MYO5A: variants seen among roughly 807,000 people sequenced by gnomAD.
MYO5A encodes unconventional myosin-Va.
MYO5A carries 98 observed loss-of-function variants against 249.7 expected under a neutral mutation model. The ratio of observed to expected loss-of-function variants is 0.39; its 90% CI spans 0.33 to 0.46. The LOEUF (loss-of-function observed/expected upper bound fraction) is 0.46. MYO5A is among the 20% of genes least tolerant of loss of function. The probability of loss-of-function intolerance (pLI) is 0.98; values close to 1 mark genes in which losing one functional copy is unlikely to be tolerated. For synonymous variants in MYO5A, 778 were observed against 810.6 expected, an observed-to-expected ratio of 0.96 and a Z score of 0.68; for missense variants, 1,696 against 2,308.8, an observed-to-expected ratio of 0.73 and a Z score of 5.44.
chr15:52,383,827 C>T (rs916844145), intron 15 of MYO5A, among the ~76,000 whole-genome samples: 1 of 152,154 alleles, frequency 6.6e-6, no homozygotes, highest in African/African-American at 2.4e-5. Context: ...CAAAGAAAGG[C>T]GAGGGCCCTG....
chr15:52,428,793 T>C (rs905632237), intron 2 of MYO5A, among the ~76,000 whole-genome samples: 2 of 152,210 alleles, frequency 1.3e-5, no homozygotes, highest in Non-Finnish European at 2.9e-5. Context: ...CTAATATACT[T>C]TGAAAGCCAT....
chr15:52,397,892 A>G (rs2042558502), intron 9 of MYO5A, among the ~76,000 whole-genome samples: 1 of 152,218 alleles, frequency 6.6e-6, no homozygotes, highest in Non-Finnish European at 1.5e-5. Context: ...TGCTCCCTAA[A>G]ATGAAAAATA....
At chr15:52,436,954 C>T (rs1595681431) in intron 1 of MYO5A, among the ~76,000 whole-genome samples, 1 of 152,138 alleles carries the variant, frequency 6.6e-6, no homozygotes, top group South Asian at 2.1e-4. Flanking sequence ...AGGATGACAA[C>T]AATAGTCTTC....
intron 1 of MYO5A, among the ~76,000 whole-genome samples, chr15:52,449,675 T>C (rs2075973267): frequency 6.6e-6 from 1 of 152,154 alleles, no homozygotes; most frequent in South Asian, 2.1e-4. Context: ...ACCTCTAAGC[T>C]AAGTCTCTTC....
chr15:52,347,251 T>C (rs2039683743), intron 29 of MYO5A, among the ~76,000 whole-genome samples: 1 of 152,206 alleles, frequency 6.6e-6, no homozygotes, highest in Non-Finnish European at 1.5e-5. Context: ...TAAGAATCAC[T>C]GCTGGCAAAC....
At chr15:52,428,802 A>G (rs1285419868) in intron 2 of MYO5A, among the ~76,000 whole-genome samples, 1 of 152,228 alleles carries the variant, frequency 6.6e-6, no homozygotes, top group Non-Finnish European at 1.5e-5. Context: ...TTTGAAAGCC[A>G]TAGCCTAGAC....
intron 5 of MYO5A, among the ~76,000 whole-genome samples, chr15:52,414,171 G>A (rs184671367): frequency 1.7e-3 from 260 of 152,222 alleles, no homozygotes; most frequent in Middle Eastern, 3.4e-3. Flanking sequence ...TTGTTATGAA[G>A]TCGGGAGGCC....
Position 52,372,126 on chromosome 15 carries a change from G to A in MYO5A, c.2815C>T (p.Gln939Ter), listed in dbSNP as rs1479551228. ...CAGGGCCCCTTTGTGAAACACACCT[G>A]CTCATCAACTTTGCGCTGCAGCTGC... ...IMQLQRKVDE[Q>*]NKDYKCLVEK... The change falls in exon 21 of 42, where the codon CAG (glutamine) becomes TAG (stop). Residue 939 changes from glutamine to a stop codon, truncating the protein, a stop_gained and splice_region_variant. Transcript: ENST00000399233. LOFTEE classifies it high-confidence loss of function. 1 of 1,613,560 alleles carries A rather than the reference G, an allele frequency of 6.2e-7. No individual in the cohort carries two copies. Among genetic ancestry groups the A allele is most frequent in the Middle Eastern group, 1.8e-4 (1 of 5,598 alleles).
intron 16 of MYO5A, 88 bp downstream of exon 16, chr15:52,383,003 A>T: frequency 8.5e-7 from 1 of 1,172,446 alleles, no homozygotes; most frequent in Non-Finnish European, 1.3e-6. Context: ...TCCTTATAAA[A>T]ATGTAAGGAA....
chr15:52,457,137 T>C lies in MYO5A; in HGVS notation c.28-23852A>G, dbSNP rs532636943. 3.3e-5 allele frequency among the ~76,000 whole-genome samples: 5 copies of C among 152,018 alleles called. No homozygotes were observed. The East Asian group carries it at 5.8e-4, about 18-fold the overall frequency. On this transcript the variant is annotated intron_variant, in intron 1 of 41. Coordinates refer to ENST00000399233, the MANE Select transcript of MYO5A (RefSeq NM_001382347.1). ...ACAAAACAAAACAAAAAACAAATAA[T>C]CTCATTAAAAAGTAGGCAAAGGGGC...
chr15:52,461,787 C>T (rs935454860), intron 1 of MYO5A, among the ~76,000 whole-genome samples: 1 of 151,614 alleles, frequency 6.6e-6, no homozygotes. Context: ...ATAGTGAAAC[C>T]CCGTCTCTAC....
chr15:52,345,699 G>C (rs28653534), intron 30 of MYO5A, among the ~76,000 whole-genome samples: 14,826 of 152,190 alleles, frequency 0.097, 2,245 homozygotes, highest in African/African-American at 0.33. Context: ...TCCACAGATA[G>C]GGATCCAATG....
chr15:52,397,009 T>G lies in MYO5A; in HGVS notation c.1319+192A>C, dbSNP rs557226669. 2.0e-5 allele frequency among the ~76,000 whole-genome samples: 3 copies of G among 152,126 alleles called. No homozygotes were observed. The East Asian group carries it at 5.8e-4, about 29-fold the overall frequency. ...TAAATTAGCTCTAGATGTGAACTAT[T>G]TTTTTTTGTTTTAGTTAAATTTTAA... On this transcript the variant is annotated intron_variant, in intron 10 of 41. Coordinates refer to ENST00000399233, the MANE Select transcript of MYO5A (RefSeq NM_001382347.1).
chr15:52,367,207 T>A (rs1441162394), intron 22 of MYO5A, 83 bp from the exon 23 acceptor site: 6 of 1,162,300 alleles, frequency 5.2e-6, no homozygotes, highest in Non-Finnish European at 7.6e-6. Context: ...TAAGCAGTCA[T>A]TCCTTACTTC....
At chr15:52,327,773 TAAGG>T (rs2038680411) in intron 36 of MYO5A, 75 bp downstream of exon 36, 2 of 1,405,254 alleles carry the variant, frequency 1.4e-6, no homozygotes, top group African/African-American at 1.4e-5. Context: ...AGCTAAACTC[TAAGG>T]AAGGAAGATC....
At chr15:52,426,688 G>A (rs1271717346) in intron 3 of MYO5A, among the ~76,000 whole-genome samples, 2 of 152,074 alleles carry the variant, frequency 1.3e-5, no homozygotes, top group South Asian at 4.1e-4. Context: ...TTGAACTCCT[G>A]GGCTCAAGTG....
At chr15:52,493,531 G>A (rs560564086) in intron 1 of MYO5A, among the ~76,000 whole-genome samples, 218 of 152,090 alleles carry the variant, frequency 1.4e-3, no homozygotes, top group African/African-American at 5.0e-3. Flanking sequence ...GCACGGTGGC[G>A]GGCCCCTCTA....
intron 1 of MYO5A, among the ~76,000 whole-genome samples, chr15:52,528,031 T>C (rs2077756876): frequency 6.6e-6 from 1 of 152,152 alleles, no homozygotes; most frequent in East Asian, 1.9e-4. Flanking sequence ...ACCCTGAGTA[T>C]ATTGATGTCA....
chr15:52,391,876 T>C, intron 12 of MYO5A, 54 bp downstream of exon 12: 1 of 1,568,098 alleles, frequency 6.4e-7, no homozygotes, highest in Non-Finnish European at 8.8e-7. Flanking sequence ...ACTTATCTTC[T>C]GACCTTGATA....
Sources: gnomAD v4.1 joint callset for allele counts (sites outside exome capture counted in the v4.1 genomes callset) on GRCh38, gnomAD v4.1.1 for gene constraint, MANE v1.5 for transcripts, NCBI Gene and HGNC (gene_info 2026-07-23, HGNC 2026-07-21) for gene names.